The following VPS37C variants were observed in gnomAD, a reference collection of about 807,000 sequenced individuals.
VPS37C encodes the protein vacuolar protein sorting-associated protein 37C.
Under a neutral mutation model 16.1 loss-of-function variants are expected in VPS37C, and 9 were observed. The ratio of observed to expected loss-of-function variants is 0.56; its 90% CI spans 0.34 to 0.97. The LOEUF is 0.97. VPS37C is among the 50% of genes least tolerant of loss of function. The pLI is 0.02. For missense variants in VPS37C, 479 were observed against 472.7 expected, an observed-to-expected ratio of 1.01 and a Z score of -0.12; for synonymous variants, 207 against 206.4, an observed-to-expected ratio of 1.00 and a Z score of -0.02.
chr11:61,132,241 C>G lies in VPS37C; in HGVS notation c.647G>C (p.Gly216Ala). ...PYSPSPSLPV[G>A]PTAHGALPPA... is the part of the protein sequence containing the mutation. ...TGGCAGGGCTCCATGGGCAGTGGGG[C>G]CCACAGGCAGGCTGGGGGATGGGCT... Residue 216 changes from glycine (G) to alanine (A), a missense_variant, in exon 5 of 5, where the codon GGC becomes GCC. By Grantham distance (60) the Gly-to-Ala change is moderately conservative. Transcript: ENST00000301765. 6.6e-7 allele frequency: 1 copy of G among 1,519,516 alleles called. No individual in the cohort carries two copies. Among genetic ancestry groups the G allele is most frequent in the South Asian group, 1.3e-5 (1 of 76,150 alleles). The allele number at this position is 1,519,516 out of a possible 1,614,324, so 94.1% of individuals were successfully genotyped here.
intron 1 of VPS37C, 37 bp from the exon 2 acceptor site, chr11:61,138,872 G>A: frequency 6.2e-7 from 1 of 1,600,984 alleles, no homozygotes; most frequent in Non-Finnish European, 8.6e-7. Flanking sequence ...CGAACAGGCA[G>A]CCCAAGACGA....
intron 1 of VPS37C, among the ~76,000 whole-genome samples, chr11:61,140,458 C>T (rs1384435543): frequency 2.0e-5 from 3 of 151,694 alleles, no homozygotes; most frequent in Admixed American, 1.3e-4. Flanking sequence ...CATACAGGGA[C>T]GAGACCAGTA....
At chr11:61,135,971 C>T (rs1297970314) in intron 2 of VPS37C, among the ~76,000 whole-genome samples, 2 of 152,212 alleles carry the variant, frequency 1.3e-5, no homozygotes. Flanking sequence ...CGAAGTGGGT[C>T]AATGGGTAGA....
chr11:61,140,908 G>T (rs570526303), intron 1 of VPS37C, among the ~76,000 whole-genome samples: 56 of 151,998 alleles, frequency 3.7e-4, no homozygotes, highest in Non-Finnish European at 6.9e-4. Context: ...CAAAACCCTT[G>T]GTCTAAAAGC....
intron 1 of VPS37C, among the ~76,000 whole-genome samples, chr11:61,158,423 C>T (rs1365012761): frequency 2.0e-5 from 3 of 152,240 alleles, no homozygotes; most frequent in African/African-American, 7.2e-5. Flanking sequence ...GCAGAAGATG[C>T]AATCTTCTCA....
At position 61,130,314 on chromosome 11, in the gene VPS37C, C is replaced by G. The variant is rs560266968; in HGVS notation, c.*1506G>C. On this transcript the variant is annotated 3_prime_UTR_variant, in exon 5 of 5. Transcript: ENST00000301765. The stretch of plus-strand genomic sequence containing the variant: ...TTACACAAACATACAGGCGGTCGGT[C>G]ATCCAGCTCAGAAGCACTCAAACCA... The G allele has an allele frequency of 1.3e-5, 2 of 152,950 alleles. No individual in the cohort carries two copies. Among genetic ancestry groups the G allele is most frequent in the East Asian group, 1.9e-4 (1 of 5,196 alleles). The allele number at this position is 152,950 out of a possible 1,614,324, so 9.5% of individuals were successfully genotyped here.
Position 61,132,456 on chromosome 11 carries a change from G to C in VPS37C, c.432C>G (p.His144Gln). The change falls in exon 5 of 5, where the codon CAC (histidine) becomes CAG (glutamine). Residue 144 changes from histidine (H) to glutamine (Q), a missense_variant. By Grantham distance (24) the His-to-Gln change is conservative. Coordinates refer to ENST00000301765, the MANE Select transcript of VPS37C (RefSeq NM_017966.5). ...ENFSSMRMLS[H>Q]LRRVRVEKLQ... ...GCTTTTCCACGCGAACCCGGCGCAGGTGGGACAGCATCCTCATGGAGGAAA... is the reference window on the plus strand; with the variant it reads ...GCTTTTCCACGCGAACCCGGCGCAGCTGGGACAGCATCCTCATGGAGGAAA... 1 of 1,613,190 alleles carries C rather than the reference G, an allele frequency of 6.2e-7. No individual in the cohort carries two copies. The highest frequency in any genetic ancestry group is 1.7e-5 in the Admixed American group (1 of 59,998).
intron 1 of VPS37C, among the ~76,000 whole-genome samples, chr11:61,147,842 C>T (rs567670564): frequency 1.2e-4 from 18 of 152,300 alleles, no homozygotes; most frequent in African/African-American, 3.6e-4. Context: ...ACTCTCCCCC[C>T]AGATTGTGTG....
chr11:61,131,965 T>C lies in VPS37C; in HGVS notation c.923A>G (p.Lys308Arg), dbSNP rs1202514650. ...QQSPYPATGG[K>R]PPYPIQPQLP... is the part of the protein sequence containing the mutation. ...CTGAGGCTGTATTGGGTAGGGAGGT[T>C]TTCCTCCTGTTGCGGGGTATGGGGA... The change falls in exon 5 of 5, where the codon AAA becomes AGA. Residue 308 changes from lysine to arginine, a missense_variant. Coordinates refer to ENST00000301765, the MANE Select transcript of VPS37C (RefSeq NM_017966.5). 18 of 1,310,984 alleles carry C rather than the reference T, an allele frequency of 1.4e-5. No homozygotes were observed. The highest frequency in any genetic ancestry group is 4.6e-5 in the African/African-American group (3 of 64,810). The allele number at this position is 1,310,984 out of a possible 1,614,324, so 81.2% of individuals were successfully genotyped here.
At chr11:61,157,645 C>G (rs1853399407) in intron 1 of VPS37C, among the ~76,000 whole-genome samples, 1 of 152,184 alleles carries the variant, frequency 6.6e-6, no homozygotes, top group African/African-American at 2.4e-5. Context: ...ATTCCTAACA[C>G]TATTTTTTTA....
chr11:61,133,427 G>A, intron 3 of VPS37C, 90 bp from the exon 4 acceptor site: 1 of 1,319,514 alleles, frequency 7.6e-7, no homozygotes, highest in Non-Finnish European at 1.1e-6. Context: ...GTGCATCCAG[G>A]CCCAGCCACC....
intron 3 of VPS37C, 110 bp downstream of exon 3, chr11:61,133,926 T>C (rs182014420): frequency 7.5e-6 from 10 of 1,328,478 alleles, no homozygotes; most frequent in Admixed American, 2.4e-5. Flanking sequence ...CACCCTTCTA[T>C]GGCTGTTGTG....
chr11:61,154,255 G>C (rs1381520096), intron 1 of VPS37C, among the ~76,000 whole-genome samples: 1 of 151,876 alleles, frequency 6.6e-6, no homozygotes, highest in South Asian at 2.1e-4. Context: ...AATAGAAACA[G>C]ACCCAAAAAA....
At chr11:61,157,540 T>C (rs1316746703) in intron 1 of VPS37C, among the ~76,000 whole-genome samples, 1 of 152,246 alleles carries the variant, frequency 6.6e-6, no homozygotes, top group East Asian at 1.9e-4. Context: ...TGTATCTTCT[T>C]TGAAGAAATA....
At chr11:61,149,746 C>T (rs771185272) in intron 1 of VPS37C, among the ~76,000 whole-genome samples, 3 of 152,194 alleles carry the variant, frequency 2.0e-5, no homozygotes, top group Admixed American at 6.5e-5. Flanking sequence ...ATGAAGGAAA[C>T]TGTCATCTTT....
At position 61,148,760 on chromosome 11, in the gene VPS37C, G is replaced by A. The variant is rs543784023; in HGVS notation, c.-6-9925C>T. ...TTTTCTTTTAAGAGATGAAGGACTC[G>A]CTCTGTCACTCTGTTGCCCAGGCTA... is the stretch of plus-strand genomic sequence containing the variant. On this transcript the variant is annotated intron_variant, in intron 1 of 4. Transcript: ENST00000301765. Among the ~76,000 whole-genome samples, 9 of 152,194 alleles carry A rather than the reference G, an allele frequency of 5.9e-5. No individual in the cohort carries two copies. In the East Asian group the frequency reaches 9.6e-4, roughly 16 times the overall value.
intron 1 of VPS37C, among the ~76,000 whole-genome samples, chr11:61,157,596 T>C (rs1253787264): frequency 6.6e-6 from 1 of 152,248 alleles, no homozygotes; most frequent in African/African-American, 2.4e-5. Flanking sequence ...TGTTTTTTGT[T>C]GTTGGGTAGT....
chr11:61,154,274 TAATGGAA>T (rs1384274638), intron 1 of VPS37C, among the ~76,000 whole-genome samples: 5 of 152,092 alleles, frequency 3.3e-5, no homozygotes, highest in Admixed American at 1.3e-4. Flanking sequence ...AATACACAGA[TAATGGAA>T]TTAGTAGGCA....
rs1367304422 is a variant in VPS37C at position 61,131,116 on chromosome 11, C to G, written c.*704G>C. 4.3e-6 allele frequency: 1 copy of G among 231,974 alleles called. No individual in the cohort carries two copies. The highest frequency in any genetic ancestry group is 8.5e-6 in the Non-Finnish European group (1 of 117,810). 14.4% of individuals were successfully genotyped at this position (231,974 alleles called of 1,614,324 possible). ...TCTGGCCAGAGGGCCCAAGGCAGCC[C>G]CCTGGGTTCTCCAACCACTGCAAGC... On this transcript the variant is annotated 3_prime_UTR_variant, in exon 5 of 5. Coordinates refer to ENST00000301765, the MANE Select transcript of VPS37C (RefSeq NM_017966.5).
Sources: gnomAD v4.1 joint callset for allele counts (sites outside exome capture counted in the v4.1 genomes callset) on GRCh38, gnomAD v4.1.1 for gene constraint, MANE v1.5 for transcripts, NCBI Gene and HGNC (gene_info 2026-07-23, HGNC 2026-07-21) for gene names.